The following ARK2C variants were observed in gnomAD, a reference collection of about 807,000 sequenced individuals.
ARK2C encodes the protein E3 ubiquitin-protein ligase ARK2C.
the ARK2C span, among the ~76,000 whole-genome samples, chr18:46,449,438 C>A: frequency 6.6e-6 from 1 of 152,124 alleles, no homozygotes; most frequent in East Asian, 1.9e-4. Context: ...TTTGTGCCCC[C>A]ACCTTGGTGC....
chr18:46,405,939 G>A, the ARK2C span, among the ~76,000 whole-genome samples: 1 of 151,916 alleles, frequency 6.6e-6, no homozygotes, highest in Non-Finnish European at 1.5e-5. Flanking sequence ...TTCTGCCTAG[G>A]CATGTGCACA....
At chr18:46,398,806 G>A in the ARK2C span, among the ~76,000 whole-genome samples, 2 of 152,062 alleles carry the variant, frequency 1.3e-5, no homozygotes, top group Admixed American at 6.5e-5. Context: ...CTGGTGGGGT[G>A]TGGTTACTGT....
the ARK2C span, among the ~76,000 whole-genome samples, chr18:46,455,573 A>G: frequency 2.9e-3 from 444 of 152,226 alleles, no homozygotes; most frequent in Non-Finnish European, 4.1e-3. Context: ...AAGGTGGCTC[A>G]CATCTATAAT....
the ARK2C span, among the ~76,000 whole-genome samples, chr18:46,346,377 T>A: frequency 1.3e-5 from 2 of 152,206 alleles, no homozygotes; most frequent in Non-Finnish European, 2.9e-5. Flanking sequence ...TGTGCGAACA[T>A]CACTACTTTC....
chr18:46,367,482 A>G, the ARK2C span, among the ~76,000 whole-genome samples: 3 of 152,150 alleles, frequency 2.0e-5, no homozygotes, highest in Non-Finnish European at 4.4e-5. Flanking sequence ...CATTTGTGCC[A>G]AAGCCTTGCA....
At chr18:46,358,573 C>T in the ARK2C span, among the ~76,000 whole-genome samples, 1 of 152,186 alleles carries the variant, frequency 6.6e-6, no homozygotes, top group East Asian at 1.9e-4. Context: ...TCCTCAACTC[C>T]TGCAGCTCTG....
At chr18:46,418,706 A>G in the ARK2C span, among the ~76,000 whole-genome samples, 1 of 152,366 alleles carries the variant, frequency 6.6e-6, no homozygotes, top group South Asian at 2.1e-4. Flanking sequence ...TGAATAAGTC[A>G]AATTCTGAAT....
the ARK2C span, among the ~76,000 whole-genome samples, chr18:46,417,760 T>A: frequency 6.6e-6 from 1 of 152,176 alleles, no homozygotes; most frequent in East Asian, 1.9e-4. Context: ...TCCCAGCACT[T>A]TGAGAGGCCG....
the ARK2C span, among the ~76,000 whole-genome samples, chr18:46,424,018 G>A: frequency 1.3e-5 from 2 of 152,078 alleles, no homozygotes; most frequent in South Asian, 2.1e-4. Context: ...TAAGAACAAA[G>A]GGCATTTACT....
the ARK2C span, among the ~76,000 whole-genome samples, chr18:46,376,121 G>A: frequency 6.6e-6 from 1 of 152,222 alleles, no homozygotes; most frequent in Non-Finnish European, 1.5e-5. Context: ...TGGCAGAGGG[G>A]CCTATGGACT....
At chr18:46,374,875 G>A in the ARK2C span, among the ~76,000 whole-genome samples, 190 of 152,284 alleles carry the variant, frequency 1.2e-3, no homozygotes, top group South Asian at 3.1e-3. Context: ...GATTGACTTG[G>A]GTCATGAGTG....
At chr18:46,430,041 G>A in the ARK2C span, among the ~76,000 whole-genome samples, 2 of 152,212 alleles carry the variant, frequency 1.3e-5, no homozygotes, top group South Asian at 4.1e-4. Context: ...AGAGATCCCT[G>A]CGCAGCTGTG....
chr18:46,404,787 T>TACACACACACACAC, the ARK2C span, among the ~76,000 whole-genome samples: 1,678 of 150,024 alleles, frequency 0.011, 21 homozygotes, highest in African/African-American at 0.039. Flanking sequence ...CACACACACA[T>TACACACACACACAC]ACACACACAC....
the ARK2C span, among the ~76,000 whole-genome samples, chr18:46,362,801 A>C: frequency 1.7e-4 from 26 of 152,348 alleles, no homozygotes; most frequent in South Asian, 5.4e-3. Flanking sequence ...CCTCTTCCTT[A>C]AATTCTAGAA....
chr18:46,337,987 T>C, the ARK2C span, among the ~76,000 whole-genome samples: 2 of 152,152 alleles, frequency 1.3e-5, no homozygotes, highest in African/African-American at 4.8e-5. Flanking sequence ...CATTTCATCT[T>C]AGTTTTCAAG....
At chr18:46,402,993 C>A in the ARK2C span, among the ~76,000 whole-genome samples, 8 of 152,222 alleles carry the variant, frequency 5.3e-5, no homozygotes, top group African/African-American at 1.9e-4. Context: ...TGAGCCACGT[C>A]TGTGGCTCCT....
At chr18:46,440,107 C>T in the ARK2C span, among the ~76,000 whole-genome samples, 2 of 152,120 alleles carry the variant, frequency 1.3e-5, no homozygotes, top group Admixed American at 6.5e-5. Context: ...GGATTACAGG[C>T]GTGAGCCACC....
chr18:46,435,111 T>C, the ARK2C span, among the ~76,000 whole-genome samples: 1 of 152,154 alleles, frequency 6.6e-6, no homozygotes, highest in Non-Finnish European at 1.5e-5. Context: ...GCAGTTCATC[T>C]GGGAAGCTTC....
chr18:46,355,233 A>ATT, the ARK2C span, among the ~76,000 whole-genome samples: 3 of 152,184 alleles, frequency 2.0e-5, no homozygotes, highest in East Asian at 5.8e-4. Flanking sequence ...GATTACAAGC[A>ATT]TGAGCCACCG....
Sources: allele counts gnomAD v4.1 joint callset (sites outside exome capture counted in the v4.1 genomes callset), GRCh38; gene constraint gnomAD v4.1.1; transcripts MANE v1.5; gene names NCBI Gene and HGNC (gene_info 2026-07-23, HGNC 2026-07-21).